IARS1: variants seen among roughly 807,000 people sequenced by gnomAD.
IARS1 encodes the protein isoleucine--tRNA ligase, cytoplasmic.
A neutral mutation model predicts 168.2 loss-of-function variants in IARS1; 124 were observed. That is an observed-to-expected ratio of 0.74 (90% CI 0.64 to 0.86). The LOEUF (loss-of-function observed/expected upper bound fraction) is 0.86. Ranked by LOEUF, IARS1 falls within the 40% of genes least tolerant of loss-of-function variation. The pLI is 0.00. For synonymous variants in IARS1, 532 were observed against 529.4 expected (o/e 1.00, Z -0.07); for missense variants, 1,452 against 1,515.8 (o/e 0.96, Z 0.70).
At chr9:92,286,138 T>C in intron 5 of IARS1, 1 of 309,396 alleles carries the variant, frequency 3.2e-6, no homozygotes, top group Middle Eastern at 1.0e-3. Flanking sequence ...GAGATCAAGG[T>C]GGATGGATCA....
intron 30 of IARS1, among the ~76,000 whole-genome samples, chr9:92,239,671 C>T (rs1828071419): frequency 6.6e-6 from 1 of 152,104 alleles, no homozygotes; most frequent in East Asian, 1.9e-4. Context: ...TCTAGGCTTT[C>T]CATGTGGCCT....
intron 5 of IARS1, 75 bp from the exon 6 acceptor site, chr9:92,285,914 T>C: frequency 1.2e-6 from 1 of 849,422 alleles, no homozygotes; most frequent in East Asian, 2.4e-5. Context: ...TGCCATTTTC[T>C]TTTTAGAGTT....
intron 12 of IARS1, among the ~76,000 whole-genome samples, 183 bp downstream of exon 12, chr9:92,270,802 A>C (rs1832914385): frequency 6.6e-6 from 1 of 152,138 alleles, no homozygotes; most frequent in Non-Finnish European, 1.5e-5. Context: ...TCTCAAAACA[A>C]CAACAAAAAA....
At chr9:92,245,332 T>A (rs560507122) in intron 26 of IARS1, among the ~76,000 whole-genome samples, 1 of 152,150 alleles carries the variant, frequency 6.6e-6, no homozygotes, top group Non-Finnish European at 1.5e-5. Context: ...TCCAAAGACA[T>A]GACAAAGCTA....
chr9:92,279,527 C>T (rs1834235923), intron 7 of IARS1, among the ~76,000 whole-genome samples: 1 of 152,292 alleles, frequency 6.6e-6, no homozygotes. Flanking sequence ...CCTATTTGCT[C>T]CCAGGAAAGA....
chr9:92,242,810 C>T (rs1385184668), intron 28 of IARS1: 1 of 212,670 alleles, frequency 4.7e-6, no homozygotes, highest in Non-Finnish European at 9.5e-6. Flanking sequence ...GCATATTCCT[C>T]AGCTCTCTAA....
rs531548186 is a variant in IARS1, at chr9:92,258,824, G to C, written c.2016+30C>G. ...AAGGGAGCGCTGTGGAGACACGGCA[G>C]GTACATGTGCAGCCCCCTACAGCCC... is the stretch of plus-strand genomic sequence containing the variant. On this transcript the variant is annotated intron_variant, in intron 19 of 33. Transcript: ENST00000443024. 6 of 1,562,708 alleles carry C rather than the reference G, an allele frequency of 3.8e-6. No homozygotes were observed. In the African/African-American group the frequency reaches 5.5e-5, roughly 14 times the overall value.
In IARS1 at chr9:92,232,095, G is replaced by A. The variant is rs559103324; in HGVS notation, c.3284-2969C>T. On this transcript the variant is annotated intron_variant, in intron 30 of 33. Transcript: ENST00000443024. The stretch of plus-strand genomic sequence containing the variant: ...AAATCTCATCTATTAAACTTTTTAG[G>A]ATTCTTGTTTTTGTGAAGACTGCCG... Among the ~76,000 whole-genome samples the A allele has an allele frequency of 7.2e-5, 11 of 152,234 alleles. No homozygotes were observed. The South Asian group carries it at 2.1e-3, about 29-fold the overall frequency.
chr9:92,293,605 G>A lies in IARS1; in HGVS notation c.-8+6C>T, dbSNP rs1291944733. The A allele has an allele frequency of 2.7e-6, 1 of 369,468 alleles. No homozygotes were observed. The highest frequency in any genetic ancestry group is 5.6e-6 in the Non-Finnish European group (1 of 178,292). The allele number at this position is 369,468 out of a possible 1,614,324, so 22.9% of individuals were successfully genotyped here. On this transcript the variant is annotated splice_donor_region_variant and intron_variant, in intron 1 of 33. Transcript: ENST00000443024. ...GGCCGGATCCTGCAGGGAAGAGAGG[G>A]CGTACCTGAGGGGCCTCGCGTGCCT...
At chr9:92,285,655 T>G in intron 6 of IARS1, 67 bp downstream of exon 6, 2 of 951,236 alleles carry the variant, frequency 2.1e-6, no homozygotes, top group Non-Finnish European at 3.4e-6. Context: ...ATACCTACTG[T>G]GATCATAACT....
chr9:92,260,735 A>C (rs1185409740), intron 17 of IARS1, among the ~76,000 whole-genome samples: 1 of 151,788 alleles, frequency 6.6e-6, no homozygotes, highest in Non-Finnish European at 1.5e-5. Flanking sequence ...ATATCATACT[A>C]AGTCCATGAG....
At chr9:92,259,574 G>A (rs1317840078) in intron 18 of IARS1, among the ~76,000 whole-genome samples, 1 of 152,212 alleles carries the variant, frequency 6.6e-6, no homozygotes, top group East Asian at 1.9e-4. Context: ...CTGGTCAACA[G>A]AGGTACTGTG....
In IARS1 at chr9:92,280,780, A is replaced by G. The variant is rs757758448; in HGVS notation, c.711T>C (p.Cys237=). 2 of 1,612,024 alleles carry G rather than the reference A, an allele frequency of 1.2e-6. No homozygotes were observed. The highest frequency in any genetic ancestry group is 2.2e-5 in the East Asian group (1 of 44,772). Residue 237 remains cysteine (C), a synonymous_variant, in exon 7 of 34, where the codon TGT becomes TGC. Transcript: ENST00000443024. ...PWTLPSNLAV[C]VNPEMQYVKI... ...TCACATATTGCATTTCTGGATTAAC[A>G]CACACAGCAAGGTTACTAGGTAGAG... is the stretch of plus-strand genomic sequence containing the variant.
intron 30 of IARS1, among the ~76,000 whole-genome samples, chr9:92,239,764 T>C (rs926878426): frequency 6.6e-6 from 1 of 152,266 alleles, no homozygotes; most frequent in Middle Eastern, 3.4e-3. Context: ...TCTTCTCTGA[T>C]ACCCCTGTGA....
chr9:92,222,340 C>CAAAAAAAAAAAAAAAAAAAAAAAAAAAA (rs60335070), intron 33 of IARS1, among the ~76,000 whole-genome samples, 180 bp downstream of exon 33: 1 of 55,372 alleles, frequency 1.8e-5, no homozygotes, highest in Non-Finnish European at 3.2e-5. Flanking sequence ...GACTCAGTCT[C>CAAAAAAAAAAAAAAAAAAAAAAAAAAAA]AAAAAAAAAA....
At position 92,280,937 on chromosome 9, in the gene IARS1, A is replaced by G. The variant is rs1185758771; in HGVS notation, c.598-44T>C. 4 of 1,421,988 alleles carry G rather than the reference A, an allele frequency of 2.8e-6. No individual in the cohort carries two copies. In the Admixed American group the frequency reaches 7.5e-5, roughly 27 times the overall value. 88.1% of individuals were successfully genotyped at this position (1,421,988 alleles called of 1,614,324 possible). A position where few individuals can be genotyped will look rare whatever the true frequency, so the allele number is the denominator to read the frequency against. ...AAGTATTGTTTTAGAAATCCACAAT[A>G]ACAGACACCTAAGAAAAAGGAACTA... On this transcript the variant is annotated intron_variant, in intron 6 of 33. Transcript: ENST00000443024.
chr9:92,245,169 TAAC>T, intron 26 of IARS1, 98 bp from the exon 27 acceptor site: 1 of 942,378 alleles, frequency 1.1e-6, no homozygotes, highest in Non-Finnish European at 1.7e-6. Context: ...AATTTCACAA[TAAC>T]AAAGCCACAG....
At chr9:92,292,180 G>GTTTTTTTTT (rs1836461122) in intron 1 of IARS1, among the ~76,000 whole-genome samples, 2 of 98,642 alleles carry the variant, frequency 2.0e-5, no homozygotes, top group African/African-American at 1.4e-4. Context: ...ACCACACTCA[G>GTTTTTTTTT]CTTTTTTTTT....
Position 92,288,139 on chromosome 9 carries a change from T to A in IARS1, c.263A>T (p.His88Leu). The A allele has an allele frequency of 6.2e-7, 1 of 1,613,990 alleles. No individual in the cohort carries two copies. Among genetic ancestry groups the A allele is most frequent in the East Asian group, 2.2e-5 (1 of 44,860 alleles). The part of the protein sequence containing the change: ...HVDRRFGWDC[H>L]GLPVEYEIDK... ...ACTCAAACATACCACAGGTAAGCCA[T>A]GGCAATCCCATCCAAATCTTCTGTC... is the stretch of plus-strand genomic sequence containing the variant. Residue 88 changes from histidine (H) to leucine (L), a missense_variant, in exon 3 of 34, where the codon CAT (histidine) becomes CTT (leucine). His to Leu is a moderately conservative substitution (Grantham distance 99). Coordinates refer to ENST00000443024, the MANE Select transcript of IARS1 (RefSeq NM_002161.6).
Sources: gnomAD v4.1 joint callset for allele counts (sites outside exome capture counted in the v4.1 genomes callset) on GRCh38, gnomAD v4.1.1 for gene constraint, MANE v1.5 for transcripts, NCBI Gene and HGNC (gene_info 2026-07-23, HGNC 2026-07-21) for gene names.